Variants in LEF1 observed in about 807,000 individuals in gnomAD.
LEF1 encodes the protein lymphoid enhancer-binding factor 1.
A neutral mutation model predicts 51.2 loss-of-function variants in LEF1; 14 were observed. That is an observed-to-expected ratio of 0.27 (90% CI 0.18 to 0.43). LEF1 has a LOEUF of 0.43. Ranked by LOEUF, LEF1 falls within the 20% of genes least tolerant of loss-of-function variation. LEF1 has a pLI of 1.00. For missense variants in LEF1, 386 were observed against 512.0 expected (o/e 0.75, Z 2.37); for synonymous variants, 185 against 183.2 (o/e 1.01, Z -0.08).
chr4:108,068,970 G>A lies in LEF1; in HGVS notation c.1116+1693C>T, dbSNP rs188512512. 5.3e-5 allele frequency among the ~76,000 whole-genome samples: 8 copies of A among 152,290 alleles called. No individual in the cohort carries two copies. In the East Asian group the frequency reaches 1.4e-3, roughly 26 times the overall value. The stretch of plus-strand genomic sequence containing the variant: ...CCCTGAGAATTACTATAGACTGAAT[G>A]TTGTGTTCTCCCAAATACATATGCT... On this transcript the variant is annotated intron_variant, in intron 9 of 11. Coordinates refer to ENST00000265165, the MANE Select transcript of LEF1 (RefSeq NM_016269.5).
chr4:108,089,373 A>G lies in LEF1; in HGVS notation c.415-116T>C, dbSNP rs1317950850. ...CAGTCATCAACATAACCCAAGAATC[A>G]CCTTCAGACCTGGACAGGTGGAAAT... is the stretch of plus-strand genomic sequence containing the variant. On this transcript the variant is annotated intron_variant, in intron 3 of 11. Transcript: ENST00000265165. The G allele has an allele frequency of 4.8e-6, 5 of 1,041,204 alleles. No homozygotes were observed. In the Admixed American group the frequency reaches 8.5e-5, roughly 18 times the overall value. 64.5% of individuals were successfully genotyped at this position (1,041,204 alleles called of 1,614,324 possible).
In LEF1 at chr4:108,130,311, G is replaced by A. The variant is rs928616946; in HGVS notation, c.414+33257C>T. Among the ~76,000 whole-genome samples, 5 of 152,218 alleles carry A rather than the reference G, an allele frequency of 3.3e-5. No individual in the cohort carries two copies. In the East Asian group the frequency reaches 9.7e-4, roughly 29 times the overall value. On this transcript the variant is annotated intron_variant, in intron 3 of 11. Coordinates refer to ENST00000265165, the MANE Select transcript of LEF1 (RefSeq NM_016269.5). ...AGTTTGACAGATAACTATCTACCTG[G>A]ATAATTTTGATGAGATCCTTAAAGG...
At chr4:108,141,537 G>A (rs1743652694) in intron 3 of LEF1, among the ~76,000 whole-genome samples, 1 of 152,150 alleles carries the variant, frequency 6.6e-6, no homozygotes, top group Non-Finnish European at 1.5e-5. Flanking sequence ...ACACATAATT[G>A]TTTCTGCACA....
At chr4:108,057,200 A>G (rs1378421032) in intron 11 of LEF1, among the ~76,000 whole-genome samples, 1 of 152,104 alleles carries the variant, frequency 6.6e-6, no homozygotes, top group Non-Finnish European at 1.5e-5. Context: ...GGAAAACAGG[A>G]TGTCATTTTT....
At chr4:108,091,613 G>C (rs1463172837) in intron 3 of LEF1, among the ~76,000 whole-genome samples, 1 of 151,766 alleles carries the variant, frequency 6.6e-6, no homozygotes, top group Non-Finnish European at 1.5e-5. Flanking sequence ...CATTATCATA[G>C]CCACACAATT....
rs34015287 is a variant in LEF1 at position 108,123,432 on chromosome 4, G to GTTT, written c.415-34178_415-34176dup. 2.5e-3 allele frequency among the ~76,000 whole-genome samples: 183 copies of GTTT among 72,382 alleles called. 10 individuals carry two copies. Among genetic ancestry groups the GTTT allele is most frequent in the African/African-American group, 0.011 (163 of 15,472 alleles). The allele number at this position is 72,382 out of a possible 152,430, so 47.5% of individuals were successfully genotyped here. A position where few individuals can be genotyped will look rare whatever the true frequency, so the allele number is the denominator to read the frequency against. ...GGACCCCAGCTTTCTGCTAGGGTTGGTTTTTTTTTTTTTTTTTTTTTTTTT... is the reference window on the plus strand; with the variant it reads ...GGACCCCAGCTTTCTGCTAGGGTTGGTTTTTTTTTTTTTTTTTTTTTTTTTTTT... On this transcript the variant is annotated intron_variant, in intron 3 of 11. Coordinates refer to ENST00000265165, the MANE Select transcript of LEF1 (RefSeq NM_016269.5).
In LEF1 at chr4:108,096,118, TACTATTTAGTGGTA is replaced by T. The variant is rs553931485; in HGVS notation, c.415-6875_415-6862del. Reference sequence around the variant, plus strand: ...AAAACATTTGCAACTTACTTACTTGTACTATTTAGTGGTAAAATAGTACAAGTAAGGCATTACAG... The same window carrying T: ...AAAACATTTGCAACTTACTTACTTGTAAATAGTACAAGTAAGGCATTACAG... On this transcript the variant is annotated intron_variant, in intron 3 of 11. Coordinates refer to ENST00000265165, the MANE Select transcript of LEF1 (RefSeq NM_016269.5). Among the ~76,000 whole-genome samples the T allele has an allele frequency of 3.0e-4, 46 of 152,342 alleles. 1 individual carries two copies. Among genetic ancestry groups the T allele is most frequent in the African/African-American group, 1.0e-3 (43 of 41,572 alleles).
At chr4:108,128,218 G>A (rs10025623) in intron 3 of LEF1, among the ~76,000 whole-genome samples, 68,985 of 151,790 alleles carry the variant, frequency 0.45, 17,506 homozygotes, top group Middle Eastern at 0.68. Flanking sequence ...AGGGAGCAGA[G>A]TTCTCACCAA....
chr4:108,071,019 G>T, intron 8 of LEF1: 1 of 332,562 alleles, frequency 3.0e-6, no homozygotes, highest in Non-Finnish European at 5.5e-6. Context: ...CAATCAAAGT[G>T]TTCAAAGTAA....
rs1740420536 is a variant in LEF1, at chr4:108,096,774, G to C, written c.415-7517C>G. 2.6e-5 allele frequency among the ~76,000 whole-genome samples: 4 copies of C among 152,280 alleles called. No individual in the cohort carries two copies. In the South Asian group the frequency reaches 8.3e-4, roughly 32 times the overall value. On this transcript the variant is annotated intron_variant, in intron 3 of 11. Coordinates refer to ENST00000265165, the MANE Select transcript of LEF1 (RefSeq NM_016269.5). ...GTGAAATAATCCCTTTGTAAAATGGGCAAATGGTGTGAATAGACATTTCTC... is the reference window on the plus strand; with the variant it reads ...GTGAAATAATCCCTTTGTAAAATGGCCAAATGGTGTGAATAGACATTTCTC...
chr4:108,061,036 C>T lies in LEF1; in HGVS notation c.*6+2587G>A, dbSNP rs569967036. ...TGGATCTGAGCTCCTCTCTACTCTA[C>T]AATTCTTATCCAATAACTGCCAGTT... is the stretch of plus-strand genomic sequence containing the variant. On this transcript the variant is annotated intron_variant, in intron 11 of 11. Transcript: ENST00000265165. Among the ~76,000 whole-genome samples, 12 of 152,284 alleles carry T rather than the reference C, an allele frequency of 7.9e-5. No individual in the cohort carries two copies. The South Asian group carries it at 1.2e-3, about 16-fold the overall frequency.
In LEF1 at chr4:108,092,058, C is replaced by G. The variant is rs191930373; in HGVS notation, c.415-2801G>C. Among the ~76,000 whole-genome samples, 9 of 152,300 alleles carry G rather than the reference C, an allele frequency of 5.9e-5. No homozygotes were observed. In the South Asian group the frequency reaches 6.2e-4, roughly 11 times the overall value. ...AGGAACTTGCATTAGCAGGCAGCAT[C>G]TTCTTAATGTCTGACCTATCCCTCC... On this transcript the variant is annotated intron_variant, in intron 3 of 11. Coordinates refer to ENST00000265165, the MANE Select transcript of LEF1 (RefSeq NM_016269.5).
intron 11 of LEF1, among the ~76,000 whole-genome samples, chr4:108,049,429 C>A (rs1200939857): frequency 6.6e-6 from 1 of 152,210 alleles, no homozygotes; most frequent in Non-Finnish European, 1.5e-5. Flanking sequence ...AGAACTCCCA[C>A]ATCCTCAAAG....
chr4:108,125,343 A>G (rs143691561), intron 3 of LEF1, among the ~76,000 whole-genome samples: 1,636 of 152,164 alleles, frequency 0.011, 12 homozygotes, highest in African/African-American at 0.017. Context: ...TTGTATTTTT[A>G]GTAGAGATGG....
Position 108,152,032 on chromosome 4 carries a change from T to C in LEF1, c.414+11536A>G, listed in dbSNP as rs181636536. On this transcript the variant is annotated intron_variant, in intron 3 of 11. Coordinates refer to ENST00000265165, the MANE Select transcript of LEF1 (RefSeq NM_016269.5). ...CTATCCTAAAGAAACTAACAATCAATGAGAAATACAAACACAAAGACAAAA... is the reference window on the plus strand; with the variant it reads ...CTATCCTAAAGAAACTAACAATCAACGAGAAATACAAACACAAAGACAAAA... Among the ~76,000 whole-genome samples the C allele has an allele frequency of 2.6e-5, 4 of 152,136 alleles. No homozygotes were observed. In the East Asian group the frequency reaches 5.8e-4, roughly 22 times the overall value.
intron 3 of LEF1, among the ~76,000 whole-genome samples, chr4:108,150,651 G>A (rs577985601): frequency 1.3e-5 from 2 of 152,082 alleles, no homozygotes; most frequent in African/African-American, 4.8e-5. Flanking sequence ...TTATGAATTG[G>A]GCCCCAGCTC....
chr4:108,085,764 C>T (rs994787243), intron 4 of LEF1, among the ~76,000 whole-genome samples: 3 of 152,220 alleles, frequency 2.0e-5, no homozygotes, highest in African/African-American at 7.2e-5. Flanking sequence ...CTCTAACTTA[C>T]AGCTCTGAGA....
In LEF1 at chr4:108,099,560, G is replaced by GTGTA. The variant is rs1560789036; in HGVS notation, c.415-10304_415-10303insTACA. Among the ~76,000 whole-genome samples the GTGTA allele has an allele frequency of 6.8e-4, 22 of 32,590 alleles. 1 individual carries two copies. The South Asian group carries it at 0.021, about 31-fold the overall frequency. The allele number at this position is 32,590 out of a possible 152,430, so 21.4% of individuals were successfully genotyped here. A position where few individuals can be genotyped will look rare whatever the true frequency, so the allele number is the denominator to read the frequency against. On this transcript the variant is annotated intron_variant, in intron 3 of 11. Transcript: ENST00000265165. ...TGTGTATATGTGTGTGTGTGTATGT[G>GTGTA]TGTGTGTGTGTATATATATATATAT...
At chr4:108,158,849 C>T (rs933269276) in intron 3 of LEF1, among the ~76,000 whole-genome samples, 2 of 152,020 alleles carry the variant, frequency 1.3e-5, no homozygotes, top group Non-Finnish European at 2.9e-5. Context: ...ATAAGGGTCT[C>T]GGACCACAGG....
Sources: gnomAD v4.1 joint callset for allele counts (sites outside exome capture counted in the v4.1 genomes callset) on GRCh38, gnomAD v4.1.1 for gene constraint, MANE v1.5 for transcripts, NCBI Gene and HGNC (gene_info 2026-07-23, HGNC 2026-07-21) for gene names.